The following TRIM27 variants were observed in gnomAD, a reference collection of about 807,000 sequenced individuals.
TRIM27 encodes the protein zinc finger protein RFP.
TRIM27 carries 12 observed loss-of-function variants against 57.6 expected under a neutral mutation model. The ratio of observed to expected loss-of-function variants is 0.21; its 90% confidence interval spans 0.13 to 0.34. The LOEUF (loss-of-function observed/expected upper bound fraction) is 0.34. Among genes scored for constraint, TRIM27 ranks in the 10% least tolerant of loss-of-function variants. The probability of loss-of-function intolerance (pLI) is 1.00; values close to 1 mark genes in which losing one functional copy is unlikely to be tolerated. For missense variants in TRIM27, 403 were observed against 656.8 expected (o/e 0.61, Z 4.22); for synonymous variants, 266 against 259.0 (o/e 1.03, Z -0.26).
intron 3 of TRIM27, among the ~76,000 whole-genome samples, chr6:28,912,600 CTTT>C (rs907505066): frequency 6.6e-6 from 1 of 151,850 alleles, no homozygotes; most frequent in African/African-American, 2.4e-5. Flanking sequence ...CATTCTTTTC[CTTT>C]TTTTAACTTG....
chr6:28,908,641 A>G, intron 6 of TRIM27, 167 bp downstream of exon 6: 1 of 604,508 alleles, frequency 1.7e-6, no homozygotes, highest in Non-Finnish European at 2.9e-6. Flanking sequence ...AATTAGAACA[A>G]GAAGCTGTTA....
At position 28,904,877 on chromosome 6, in the gene TRIM27, C is replaced by A; in HGVS notation, c.947-212G>T. 1.8e-6 allele frequency: 1 copy of A among 557,324 alleles called. No individual in the cohort carries two copies. The highest frequency in any genetic ancestry group is 3.2e-6 in the Non-Finnish European group (1 of 314,764). The allele number at this position is 557,324 out of a possible 1,614,324, so 34.5% of individuals were successfully genotyped here. On this transcript the variant is annotated intron_variant, in intron 7 of 7. Transcript: ENST00000377199. This position sits in a 1 kb window ranked among gnomAD's most constrained non-coding sequence, Gnocchi z 6.1. ...CTCTGAAAATACAGAATTTTAGCCC[C>A]GTATCTTTTCTTTCACATCTGAAGC...
intron 3 of TRIM27, among the ~76,000 whole-genome samples, chr6:28,916,136 C>T (rs1390223639): frequency 8.6e-5 from 13 of 151,812 alleles, no homozygotes; most frequent in Admixed American, 8.5e-4. Context: ...AGGCTGGTCT[C>T]GAACTCCTGA....
In TRIM27 at chr6:28,921,913, T is replaced by A. The variant is rs1286852180; in HGVS notation, c.495A>T (p.Glu165Asp). The A allele has an allele frequency of 6.2e-7, 1 of 1,612,894 alleles. No individual in the cohort carries two copies. Residue 165 changes from glutamate to aspartate, a missense_variant, in exon 2 of 8, where the codon GAA becomes GAT. Physicochemically the swap from Glu to Asp is conservative, Grantham distance 45 (BLOSUM62 2). Coordinates refer to ENST00000377199, the MANE Select transcript of TRIM27 (RefSeq NM_006510.5). ...TTACCAAGAGTTCAGCTCGTGCCTGTTCCCCCTGGGCCCGACGTCTCTTCT... is the reference window on the plus strand; with the variant it reads ...TTACCAAGAGTTCAGCTCGTGCCTGATCCCCCTGGGCCCGACGTCTCTTCT... ...DLKKRRRAQG[E>D]QARAELLSLT...
At chr6:28,915,277 TTTAAAAAAATATTC>T (rs1773515682) in intron 3 of TRIM27, 1 of 143,212 alleles carries the variant, frequency 7.0e-6, no homozygotes, top group Non-Finnish European at 1.5e-5. Context: ...GCTCCATCTG[TTTAAAAAAATATTC>T]TTAAAAAAAA....
At chr6:28,921,784 A>C in intron 2 of TRIM27, 108 bp downstream of exon 2, 1 of 871,108 alleles carries the variant, frequency 1.1e-6, no homozygotes, top group Non-Finnish European at 1.9e-6. Context: ...ATCCACCTCT[A>C]CCTACAAGTT....
Position 28,914,392 on chromosome 6 carries a change from C to T in TRIM27, c.748-2674G>A, listed in dbSNP as rs550412092. Among the ~76,000 whole-genome samples, 8 of 152,006 alleles carry T rather than the reference C, an allele frequency of 5.3e-5. No individual in the cohort carries two copies. The South Asian group carries it at 1.5e-3, about 28-fold the overall frequency. On this transcript the variant is annotated intron_variant, in intron 3 of 7. Transcript: ENST00000377199. Reference sequence around the variant, plus strand: ...TAATGTGATCCACCTGCCTCGGCCTCCCAAAGTACTGGGATTACAGGTGTG... The same window carrying T: ...TAATGTGATCCACCTGCCTCGGCCTTCCAAAGTACTGGGATTACAGGTGTG...
chr6:28,923,532 T>G lies in TRIM27; in HGVS notation c.101A>C (p.Asn34Thr). The change falls in exon 1 of 8, where the codon AAC becomes ACC. Residue 34 changes from asparagine to threonine, a missense_variant. By Grantham distance (65) the Asn-to-Thr change is moderately conservative. Coordinates refer to ENST00000377199, the MANE Select transcript of TRIM27 (RefSeq NM_006510.5). Reference protein sequence around the residue: ...AEPMMLDCGHNICCACLARCW... With the variant: ...AEPMMLDCGHTICCACLARCW... Reference sequence around the variant, plus strand: ...GCGGGCGAGGCACGCGCAACAGATGTTATGGCCGCAGTCGAGCATCATGGG... The same window carrying G: ...GCGGGCGAGGCACGCGCAACAGATGGTATGGCCGCAGTCGAGCATCATGGG... The G allele has an allele frequency of 1.9e-6, 3 of 1,611,972 alleles. No homozygotes were observed. The highest frequency in any genetic ancestry group is 2.5e-6 in the Non-Finnish European group (3 of 1,179,610).
chr6:28,921,620 T>C (rs1006535556), intron 2 of TRIM27, among the ~76,000 whole-genome samples: 8 of 152,210 alleles, frequency 5.3e-5, no homozygotes, highest in African/African-American at 1.9e-4. Context: ...TATCTCAGCT[T>C]TGCCAAGGAT....
intron 3 of TRIM27, among the ~76,000 whole-genome samples, chr6:28,913,280 A>T (rs1384455725): frequency 6.8e-6 from 1 of 147,608 alleles, no homozygotes; most frequent in Admixed American, 6.8e-5. Flanking sequence ...ATATATATAT[A>T]TATATATAAT....
In TRIM27 at chr6:28,921,967, G is replaced by A. The variant is rs1363725856; in HGVS notation, c.441C>T (p.Leu147=). 10 of 1,612,886 alleles carry A rather than the reference G, an allele frequency of 6.2e-6. No individual in the cohort carries two copies. Among genetic ancestry groups the A allele is most frequent in the African/African-American group, 1.3e-5 (1 of 74,914 alleles). Residue 147 remains leucine (L), a synonymous_variant, in exon 2 of 8, where the codon CTC becomes CTT. Coordinates refer to ENST00000377199, the MANE Select transcript of TRIM27 (RefSeq NM_006510.5). Reference sequence around the variant, plus strand: ...AATCTTTCACTCTTTTTAAATGGTCGAGCTGGTTCTGGATTTGCTCCTGAG... The same window carrying A: ...AATCTTTCACTCTTTTTAAATGGTCAAGCTGGTTCTGGATTTGCTCCTGAG... ...EGFKEQIQNQ[L]DHLKRVKDLK... is the part of the protein sequence containing the mutation.
At position 28,923,859 on chromosome 6, in the gene TRIM27, G is replaced by A; in HGVS notation, c.-227C>T. 5 of 511,898 alleles carry A rather than the reference G, an allele frequency of 9.8e-6. No homozygotes were observed. Among genetic ancestry groups the A allele is most frequent in the Non-Finnish European group, 3.4e-6 (1 of 295,080 alleles). The allele number at this position is 511,898 out of a possible 1,614,324, so 31.7% of individuals were successfully genotyped here. A position where few individuals can be genotyped will look rare whatever the true frequency, so the allele number is the denominator to read the frequency against. ...CTAAGCGAGAGCGGGAATACGGCCG[G>A]CTCACCGAGGCTCGCGGCCACGCTA... On this transcript the variant is annotated 5_prime_UTR_variant, in exon 1 of 8. Transcript: ENST00000377199.
intron 4 of TRIM27, among the ~76,000 whole-genome samples, chr6:28,910,883 C>T (rs1479085828): frequency 6.6e-6 from 1 of 152,136 alleles, no homozygotes; most frequent in East Asian, 1.9e-4. Context: ...TCAATTCCAT[C>T]AACATGATTC....
rs1459568694 is a variant in TRIM27, at chr6:28,908,780, C to T, written c.919+28G>A. On this transcript the variant is annotated intron_variant, in intron 6 of 7. Coordinates refer to ENST00000377199, the MANE Select transcript of TRIM27 (RefSeq NM_006510.5). ...TTCTTTTTTCCAAGCAACTTTACAT[C>T]AAAAGCCCAGTAGGTAGATAAATTT... 5 of 1,612,162 alleles carry T rather than the reference C, an allele frequency of 3.1e-6. No individual in the cohort carries two copies. In the African/African-American group the frequency reaches 6.7e-5, roughly 22 times the overall value.
At chr6:28,916,517 A>T (rs1382905641) in intron 3 of TRIM27, among the ~76,000 whole-genome samples, 3 of 151,230 alleles carry the variant, frequency 2.0e-5, no homozygotes, top group African/African-American at 7.3e-5. Flanking sequence ...GTGCCGTTAC[A>T]CTCCAGCCTG....
At chr6:28,921,804 A>G in intron 2 of TRIM27, 88 bp downstream of exon 2, 1 of 1,078,608 alleles carries the variant, frequency 9.3e-7, no homozygotes, top group South Asian at 1.3e-5. Flanking sequence ...TCTGGGTGAC[A>G]TGCTGGACAA....
intron 7 of TRIM27, chr6:28,906,971 G>T (rs1401382746): frequency 8.6e-6 from 4 of 465,388 alleles, no homozygotes; most frequent in Non-Finnish European, 1.5e-5. Context: ...TACTTTTGGG[G>T]AACTGCGGTT....
chr6:28,911,765 T>A (rs763087524), intron 3 of TRIM27, 47 bp from the exon 4 acceptor site: 1 of 1,596,184 alleles, frequency 6.3e-7, no homozygotes, highest in Non-Finnish European at 8.5e-7. Context: ...CATTTAAAAC[T>A]TCGGTTTTCT....
In TRIM27 at chr6:28,920,243, C is replaced by G; in HGVS notation, c.517-1G>C. ...TCTCCCTCTCCATCTGGGTTAGGCT[C>G]TATGCAGACGACAGGGAAAGGCAGT... On this transcript the variant is annotated splice_acceptor_variant, in intron 2 of 7. Coordinates refer to ENST00000377199, the MANE Select transcript of TRIM27 (RefSeq NM_006510.5). LOFTEE classifies it high-confidence loss of function. The G allele has an allele frequency of 6.3e-7, 1 of 1,594,650 alleles. No individual in the cohort carries two copies. Among genetic ancestry groups the G allele is most frequent in the Non-Finnish European group, 8.6e-7 (1 of 1,167,712 alleles).
Sources: allele counts gnomAD v4.1 joint callset (sites outside exome capture counted in the v4.1 genomes callset), GRCh38; gene constraint gnomAD v4.1.1; non-coding constraint Gnocchi (gnomAD v3.1); transcripts MANE v1.5; gene names NCBI Gene and HGNC (gene_info 2026-07-23, HGNC 2026-07-21).